GPM6B: variants seen among roughly 807,000 people sequenced by gnomAD.
The protein encoded by GPM6B is neuronal membrane glycoprotein M6-b.
Under a neutral mutation model 27.2 loss-of-function variants are expected in GPM6B, and 4 were observed. The observed-to-expected ratio is 0.15, with a 90% confidence interval of 0.07 to 0.34. The LOEUF is 0.34. Among genes scored for constraint, GPM6B ranks in the 10% least tolerant of loss-of-function variants. GPM6B has a pLI of 1.00. For missense variants in GPM6B, 183 were observed against 261.9 expected (o/e 0.70, Z 2.08); for synonymous variants, 124 against 103.1 (o/e 1.20, Z -1.23).
chrX:13,910,865 G>C (rs1324506708), intron 1 of GPM6B, among the ~76,000 whole-genome samples: 1 of 112,397 alleles, frequency 8.9e-6, no homozygotes, highest in Non-Finnish European at 1.9e-5. Flanking sequence ...ATGTTACAAG[G>C]AGGTTCAAAG....
intron 1 of GPM6B, among the ~76,000 whole-genome samples, chrX:13,892,189 G>A (rs986807577): frequency 1.8e-5 from 2 of 111,678 alleles, no homozygotes; most frequent in Non-Finnish European, 3.8e-5. Flanking sequence ...AAGGAAAAGC[G>A]AGCGTTCAAA....
intron 1 of GPM6B, among the ~76,000 whole-genome samples, chrX:13,833,550 T>TAAAAAAAAAAAAAAA (rs755832950): frequency 6.0e-4 from 43 of 71,497 alleles, no homozygotes; most frequent in African/African-American, 2.3e-3. Flanking sequence ...CTCTATCTCT[T>TAAAAAAAAAAAAAAA]AAAAAAAAAA....
intron 1 of GPM6B, among the ~76,000 whole-genome samples, chrX:13,824,412 G>T: frequency 8.9e-6 from 1 of 112,242 alleles, no homozygotes; most frequent in Non-Finnish European, 1.9e-5. Context: ...CAGAGATTCT[G>T]ATTTGACAGA....
chrX:13,798,904 C>G (rs952744467), intron 2 of GPM6B, among the ~76,000 whole-genome samples: 1 of 112,439 alleles, frequency 8.9e-6, no homozygotes, highest in Non-Finnish European at 1.9e-5. Flanking sequence ...AAGGCAGAAA[C>G]TCCCCCGGAT....
intron 1 of GPM6B, among the ~76,000 whole-genome samples, chrX:13,930,815 T>C (rs1438708290): frequency 8.9e-6 from 1 of 112,015 alleles, no homozygotes; most frequent in African/African-American, 3.2e-5. Context: ...GAAATACACT[T>C]CATAACTTAA....
At chrX:13,847,846 T>A (rs1326472851) in intron 1 of GPM6B, among the ~76,000 whole-genome samples, 1 of 112,004 alleles carries the variant, frequency 8.9e-6, no homozygotes, top group Non-Finnish European at 1.9e-5. Context: ...TGTGCAAAGA[T>A]CCTAAGGTTG....
At chrX:13,932,358 G>C (rs1376734876) in intron 1 of GPM6B, among the ~76,000 whole-genome samples, 1 of 112,036 alleles carries the variant, frequency 8.9e-6, no homozygotes, top group Non-Finnish European at 1.9e-5. Context: ...CCTCCCTAGG[G>C]AATCCCTCTT....
At chrX:13,817,371 A>C (rs1408169785), upstream of GPM6B, 3 of 751,236 alleles carry the variant, frequency 4.0e-6, no homozygotes, top group Non-Finnish European at 4.7e-6. Flanking sequence ...AATGCTAATT[A>C]ATTCTCCCAG....
Position 13,921,727 on chromosome X carries a change from T to C in GPM6B, c.-198+16600A>G, listed in dbSNP as rs946103613. On this transcript the variant is annotated intron_variant, in intron 1 of 6. Transcript: ENST00000398361. ...CTAAGTAGCTGGGATTACAGGCGTGTGCCACCATGCCCAGCTAGTTTTTGT... is the reference window on the plus strand; with the variant it reads ...CTAAGTAGCTGGGATTACAGGCGTGCGCCACCATGCCCAGCTAGTTTTTGT... Among the ~76,000 whole-genome samples the C allele has an allele frequency of 9.0e-4, 100 of 110,819 alleles. 1 individual carries two copies. Among genetic ancestry groups the C allele is most frequent in the African/African-American group, 2.9e-3 (88 of 30,487 alleles).
chrX:13,798,457 C>A (rs918714544), intron 2 of GPM6B, among the ~76,000 whole-genome samples: 2 of 110,965 alleles, frequency 1.8e-5, no homozygotes, highest in African/African-American at 6.6e-5. Flanking sequence ...CACTCATATG[C>A]CCTGCATACA....
At chrX:13,881,354 T>G (rs1328124187) in intron 1 of GPM6B, among the ~76,000 whole-genome samples, 2 of 111,368 alleles carry the variant, frequency 1.8e-5, no homozygotes, top group Middle Eastern at 4.2e-3. Context: ...TACAAAATAT[T>G]TTTAAAAAAT....
At chrX:13,845,854 C>T (rs2049639459) in intron 1 of GPM6B, among the ~76,000 whole-genome samples, 1 of 111,682 alleles carries the variant, frequency 9.0e-6, no homozygotes, top group African/African-American at 3.3e-5. Context: ...AGGTAAACAC[C>T]CACACAGAAC....
intron 1 of GPM6B, among the ~76,000 whole-genome samples, chrX:13,884,385 T>G: frequency 9.0e-6 from 1 of 111,454 alleles, no homozygotes; most frequent in Non-Finnish European, 1.9e-5. Flanking sequence ...CTCAGTCAGG[T>G]TTTTATCTGG....
chrX:13,851,422 C>T (rs1032940902), intron 1 of GPM6B, among the ~76,000 whole-genome samples: 12 of 110,990 alleles, frequency 1.1e-4, no homozygotes, highest in Non-Finnish European at 1.5e-4. Context: ...ATGTAATACA[C>T]ATAAAACACC....
At chrX:13,915,009 G>A (rs901327992) in intron 1 of GPM6B, among the ~76,000 whole-genome samples, 4 of 111,119 alleles carry the variant, frequency 3.6e-5, no homozygotes, top group Middle Eastern at 4.6e-3. Flanking sequence ...GGCTCATTCC[G>A]GTAATCCCAG....
At chrX:13,825,692 G>C (rs1405561409) in intron 1 of GPM6B, among the ~76,000 whole-genome samples, 1 of 112,792 alleles carries the variant, frequency 8.9e-6, no homozygotes, top group Non-Finnish European at 1.9e-5. Context: ...GTGAAGAAGA[G>C]GAAGCAGGGG....
intron 1 of GPM6B, among the ~76,000 whole-genome samples, chrX:13,848,367 C>T (rs1245770701): frequency 9.0e-6 from 1 of 111,639 alleles, no homozygotes; most frequent in Non-Finnish European, 1.9e-5. Flanking sequence ...ACAAACCTCT[C>T]CATCTCAGAG....
intron 2 of GPM6B, among the ~76,000 whole-genome samples, chrX:13,800,150 T>C (rs1488193377): frequency 9.0e-6 from 1 of 111,696 alleles, no homozygotes; most frequent in Non-Finnish European, 1.9e-5. Context: ...TCATCTGCTA[T>C]GCCATGAAGT....
chrX:13,900,462 G>A (rs2050272402), intron 1 of GPM6B, among the ~76,000 whole-genome samples: 1 of 111,025 alleles, frequency 9.0e-6, no homozygotes, highest in African/African-American at 3.3e-5. Context: ...CACCAGGTAT[G>A]GACAGGTGTG....
Sources: gnomAD v4.1 joint callset for allele counts (sites outside exome capture counted in the v4.1 genomes callset) on GRCh38, gnomAD v4.1.1 for gene constraint, MANE v1.5 for transcripts, NCBI Gene and HGNC (gene_info 2026-07-23, HGNC 2026-07-21) for gene names.